Variants in GATA4 observed in about 807,000 individuals in gnomAD.
GATA4 encodes the protein transcription factor GATA-4.
A neutral mutation model predicts 37.9 loss-of-function variants in GATA4; 7 were observed. That is an observed-to-expected ratio of 0.18 (90% CI 0.11 to 0.35). The LOEUF is 0.35. Among genes scored for constraint, GATA4 ranks in the 10% least tolerant of loss-of-function variants. The pLI is 1.00. For synonymous variants in GATA4, 372 were observed against 292.6 expected (o/e 1.27, Z -2.77); for missense variants, 647 against 653.0 (o/e 0.99, Z 0.10).
chr8:11,747,788 C>A (rs1585682383), intron 2 of GATA4, among the ~76,000 whole-genome samples: 1 of 152,074 alleles, frequency 6.6e-6, no homozygotes, highest in African/African-American at 2.4e-5. Context: ...ATGATGGCAC[C>A]TTTATATGAT....
Position 11,681,378 on chromosome 8 carries a change from A to G in GATA4, c.-274+4315A>G, listed in dbSNP as rs1003605734. On this transcript the variant is annotated intron_variant, in intron 1 of 6. Transcript: ENST00000528712. ...ACTCGTCCCCCTAGGTCTCATAAAA[A>G]CTCCTGGCAGACCCTTCCGGGATCA... The G allele has an allele frequency of 4.9e-5, 48 of 982,226 alleles. No homozygotes were observed. In the African/African-American group the frequency reaches 8.1e-4, roughly 16 times the overall value. The allele number at this position is 982,226 out of a possible 1,614,324, so 60.8% of individuals were successfully genotyped here. A position where few individuals can be genotyped will look rare whatever the true frequency, so the allele number is the denominator to read the frequency against.
At chr8:11,697,812 C>T (rs1455052351) in intron 1 of GATA4, 2 of 985,302 alleles carry the variant, frequency 2.0e-6, no homozygotes, top group African/African-American at 1.7e-5. Context: ...GCAAGGGTGC[C>T]GGGCCGGTGG....
At chr8:11,753,988 G>T (rs1204637700) in intron 4 of GATA4, among the ~76,000 whole-genome samples, 1 of 152,228 alleles carries the variant, frequency 6.6e-6, no homozygotes, top group African/African-American at 2.4e-5. Context: ...CCTCCCAACA[G>T]AACTGTGGTC....
At chr8:11,711,558 A>C (rs1278917021) in intron 2 of GATA4, among the ~76,000 whole-genome samples, 1 of 152,116 alleles carries the variant, frequency 6.6e-6, no homozygotes, top group Admixed American at 6.5e-5. Context: ...CAGGAGGATC[A>C]TTTGAGGCCA....
In GATA4 at chr8:11,749,520, G is replaced by T. The variant is rs1336426526; in HGVS notation, c.786+435G>T. 1.3e-5 allele frequency among the ~76,000 whole-genome samples: 2 copies of T among 152,226 alleles called. No homozygotes were observed. The highest frequency in any genetic ancestry group is 4.8e-5 in the African/African-American group (2 of 41,460). On this transcript the variant is annotated intron_variant, in intron 3 of 6. Transcript: ENST00000532059. The surrounding 1 kb of genome is among the most constrained non-coding windows in gnomAD (Gnocchi z 4.6). ...AGTTGATAAATCCCAAAGCCCAGAAGTGCAAGCAGCTTGTGTTGGGCCCCG... is the reference window on the plus strand; with the variant it reads ...AGTTGATAAATCCCAAAGCCCAGAATTGCAAGCAGCTTGTGTTGGGCCCCG...
intron 2 of GATA4, among the ~76,000 whole-genome samples, chr8:11,734,055 A>G (rs921780188): frequency 1.3e-5 from 2 of 152,248 alleles, no homozygotes; most frequent in African/African-American, 4.8e-5. Context: ...TAATGTGAAC[A>G]GCAAACAAAT....
At chr8:11,686,220 T>G (rs1378471671) in intron 1 of GATA4, among the ~76,000 whole-genome samples, 14 of 151,206 alleles carry the variant, frequency 9.3e-5, no homozygotes, top group Non-Finnish European at 1.2e-4. Flanking sequence ...GGGTCTGTTT[T>G]TTTTTTTTTA....
At position 11,758,399 on chromosome 8, in the gene GATA4, C is replaced by A. The variant is rs377393254; in HGVS notation, c.1256C>A (p.Pro419Gln). 1.2e-6 allele frequency: 2 copies of A among 1,614,136 alleles called. No individual in the cohort carries two copies. Among genetic ancestry groups the A allele is most frequent in the East Asian group, 4.5e-5 (2 of 44,900 alleles). Residue 419 changes from proline to glutamine, a missense_variant, in exon 7 of 7, where the codon CCA (proline) becomes CAA (glutamine). Physicochemically the swap from Pro to Gln is moderately conservative, Grantham distance 76 (BLOSUM62 -1). This residue lies in a region of GATA4 where 184 missense variants were observed against 157.1 expected (regional missense o/e 1.17). Coordinates refer to ENST00000532059, the MANE Select transcript of GATA4 (RefSeq NM_001308093.3). The part of the protein sequence containing the change: ...QGYASPVSQS[P>Q]QTSSKQDSWN... ...TATGCGTCTCCCGTCAGCCAGTCTC[C>A]ACAGACCAGCTCCAAGCAGGACTCT...
chr8:11,752,484 G>C (rs1416856084), intron 4 of GATA4, among the ~76,000 whole-genome samples: 1 of 152,186 alleles, frequency 6.6e-6, no homozygotes, highest in African/African-American at 2.4e-5. Flanking sequence ...GCTCTCATGA[G>C]ACTTACTCAC....
At chr8:11,684,565 G>C (rs894085695) in intron 1 of GATA4, among the ~76,000 whole-genome samples, 1 of 152,208 alleles carries the variant, frequency 6.6e-6, no homozygotes, top group Non-Finnish European at 1.5e-5. Context: ...TTAGACTCCA[G>C]TATTAGAATG....
At chr8:11,688,703 G>T (rs1799220087), upstream of GATA4, among the ~76,000 whole-genome samples, 1 of 152,214 alleles carries the variant, frequency 6.6e-6, no homozygotes. Context: ...CATTGAGGAG[G>T]TGGCCTTGCC....
At chr8:11,695,379 C>T (rs1391876378) in intron 1 of GATA4, among the ~76,000 whole-genome samples, 1 of 151,990 alleles carries the variant, frequency 6.6e-6, no homozygotes, top group Non-Finnish European at 1.5e-5. Flanking sequence ...GCACTCCAGC[C>T]TGGGCACCAA....
intron 2 of GATA4, among the ~76,000 whole-genome samples, chr8:11,741,108 G>C (rs1254788721): frequency 6.6e-6 from 1 of 152,140 alleles, no homozygotes; most frequent in African/African-American, 2.4e-5. Context: ...CATTTTCTGG[G>C]AGTCTGCATG....
At chr8:11,680,710 C>A (rs937919300) in intron 1 of GATA4, 1 of 985,228 alleles carries the variant, frequency 1.0e-6, no homozygotes, top group African/African-American at 1.7e-5. Context: ...AATCCTCCAG[C>A]CGCTGCGCAC....
chr8:11,726,618 G>A (rs2130177788), intron 2 of GATA4, among the ~76,000 whole-genome samples: 1 of 152,254 alleles, frequency 6.6e-6, no homozygotes, highest in East Asian at 1.9e-4. Flanking sequence ...GAGCCCCCAG[G>A]GGAGTGGGGG....
intron 1 of GATA4, among the ~76,000 whole-genome samples, chr8:11,677,391 C>T (rs1238848827): frequency 6.6e-6 from 1 of 152,186 alleles, no homozygotes; most frequent in Non-Finnish European, 1.5e-5. Context: ...ATTCAGCTTC[C>T]CACTCCAACA....
chr8:11,754,994 A>G (rs1802482737), intron 4 of GATA4, 52 bp from the exon 5 acceptor site: 2 of 1,404,726 alleles, frequency 1.4e-6, no homozygotes, highest in Non-Finnish European at 2.0e-6. Flanking sequence ...TCAATGCTGT[A>G]GCAGACTACG....
intron 1 of GATA4, among the ~76,000 whole-genome samples, chr8:11,681,748 T>TTCCTTTG (rs1287833471): frequency 2.0e-5 from 3 of 152,190 alleles, no homozygotes; most frequent in Non-Finnish European, 4.4e-5. Context: ...TTCTCCCCGC[T>TTCCTTTG]TACTTTGTTC....
chr8:11,716,967 A>C (rs1800459982), intron 2 of GATA4, among the ~76,000 whole-genome samples: 1 of 152,218 alleles, frequency 6.6e-6, no homozygotes, highest in African/African-American at 2.4e-5. Context: ...CTGCTGCTTT[A>C]AGAACTTGAA....
Sources: gnomAD v4.1 joint callset for allele counts (sites outside exome capture counted in the v4.1 genomes callset) on GRCh38, gnomAD v4.1.1 for gene constraint, gnomAD v4.1.1 regional missense constraint, Gnocchi (gnomAD v3.1) non-coding constraint, MANE v1.5 for transcripts, NCBI Gene and HGNC (gene_info 2026-07-23, HGNC 2026-07-21) for gene names.